Variants in MC2R observed in about 807,000 individuals in gnomAD.
MC2R encodes the protein adrenocorticotropic hormone receptor.
In MC2R, 9 loss-of-function variants were observed where a neutral mutation model predicts 9.8. The ratio of observed to expected loss-of-function variants is 0.92; its 90% confidence interval spans 0.55 to 1.60. The LOEUF (loss-of-function observed/expected upper bound fraction) is 1.60. MC2R is among the 40% of genes most tolerant of loss of function. The pLI is 0.00. For synonymous variants in MC2R, 185 were observed against 154.7 expected (o/e 1.20, Z -1.45); for missense variants, 370 against 389.0 (o/e 0.95, Z 0.41).
rs1341898639 is a variant in MC2R, at chr18:13,884,137, ATCT to A, written c.*485_*487del. The A allele has an allele frequency of 4.6e-6, 1 of 217,332 alleles. No homozygotes were observed. Among genetic ancestry groups the A allele is most frequent in the Non-Finnish European group, 9.3e-6 (1 of 107,820 alleles). 13.5% of individuals were successfully genotyped at this position (217,332 alleles called of 1,614,324 possible). A position where few individuals can be genotyped will look rare whatever the true frequency, so the allele number is the denominator to read the frequency against. On this transcript the variant is annotated 3_prime_UTR_variant, in exon 2 of 2. Transcript: ENST00000327606. Reference sequence around the variant, plus strand: ...TATTATTGGCTTACAGAGACCCTACATCTTCTGCCTGGAGTCGCATGTCCAGGT... The same window carrying A: ...TATTATTGGCTTACAGAGACCCTACATCTGCCTGGAGTCGCATGTCCAGGT...
chr18:13,906,905 C>T (rs1305237770), intron 1 of MC2R, among the ~76,000 whole-genome samples: 2 of 152,154 alleles, frequency 1.3e-5, no homozygotes, highest in African/African-American at 2.4e-5. Context: ...ATATTCTATG[C>T]TCATGGGTTG....
intron 1 of MC2R, among the ~76,000 whole-genome samples, chr18:13,904,714 GC>G (rs901478138): frequency 6.6e-6 from 1 of 151,920 alleles, no homozygotes; most frequent in Non-Finnish European, 1.5e-5. Flanking sequence ...GACCAATGGA[GC>G]AGAACAGAGA....
At chr18:13,899,138 C>G (rs34615701) in intron 1 of MC2R, among the ~76,000 whole-genome samples, 1 of 151,906 alleles carries the variant, frequency 6.6e-6, no homozygotes, top group Admixed American at 6.6e-5. Context: ...ATTCAGAATC[C>G]TATCAGATAA....
chr18:13,902,388 C>A (rs773917367), intron 1 of MC2R, among the ~76,000 whole-genome samples: 5 of 151,992 alleles, frequency 3.3e-5, no homozygotes, highest in African/African-American at 4.8e-5. Context: ...GTCAAAGCTA[C>A]CCTAAGCAAA....
chr18:13,911,946 G>A (rs1053752499), intron 1 of MC2R, among the ~76,000 whole-genome samples: 1 of 152,146 alleles, frequency 6.6e-6, no homozygotes, highest in Non-Finnish European at 1.5e-5. Flanking sequence ...TGAGAAAGAG[G>A]ACAGGTGAGC....
At chr18:13,895,540 A>G (rs979694345) in intron 1 of MC2R, among the ~76,000 whole-genome samples, 1 of 152,172 alleles carries the variant, frequency 6.6e-6, no homozygotes, top group Admixed American at 6.5e-5. Flanking sequence ...ATTCAGCAGG[A>G]AGGGGCAGGC....
intron 1 of MC2R, among the ~76,000 whole-genome samples, chr18:13,893,283 C>A (rs544611833): frequency 6.6e-6 from 1 of 152,138 alleles, no homozygotes; most frequent in African/African-American, 2.4e-5. Flanking sequence ...CGTGGGGTGG[C>A]GAGATGGCTA....
chr18:13,892,805 TACACACACACACACACACACACACACAC>T (rs34352644), intron 1 of MC2R, among the ~76,000 whole-genome samples: 6 of 147,106 alleles, frequency 4.1e-5, no homozygotes, highest in Non-Finnish European at 7.5e-5. Flanking sequence ...CATAATCTGT[TACACACACACACACACACACACACACAC>T]ACACACACAC....
At chr18:13,886,457 T>G in intron 1 of MC2R, among the ~76,000 whole-genome samples, 1 of 152,148 alleles carries the variant, frequency 6.6e-6, no homozygotes, top group Non-Finnish European at 1.5e-5. Flanking sequence ...AAGGTCCATG[T>G]GGGAGCAGGA....
intron 1 of MC2R, among the ~76,000 whole-genome samples, chr18:13,908,691 C>T (rs1053200464): frequency 4.8e-4 from 41 of 84,622 alleles, no homozygotes; most frequent in Non-Finnish European, 6.1e-4. Flanking sequence ...TGCAGTTCAA[C>T]GGTGCAGGAG....
intron 1 of MC2R, among the ~76,000 whole-genome samples, chr18:13,905,095 C>T (rs928953527): frequency 1.3e-5 from 2 of 152,144 alleles, no homozygotes; most frequent in African/African-American, 4.8e-5. Flanking sequence ...TCAGTGTGAA[C>T]AGGCAACCTA....
rs760942130 is a variant in MC2R, at chr18:13,884,863, A to T, written c.656T>A (p.Ile219Asn). The T allele has an allele frequency of 6.2e-7, 1 of 1,614,034 alleles. No homozygotes were observed. The highest frequency in any genetic ancestry group is 8.5e-7 in the Non-Finnish European group (1 of 1,180,014). The part of the protein sequence containing the change: ...TLPRANMKGA[I>N]TLTILLGVFI... ...GACCCCGAGCAGGATGGTCAGTGTG[A>T]TGGCCCCTTTCATGTTGGCTCTGGG... The change falls in exon 2 of 2, where the codon ATC becomes AAC. Residue 219 changes from isoleucine (I) to asparagine (N), a missense_variant. Transcript: ENST00000327606.
intron 1 of MC2R, among the ~76,000 whole-genome samples, chr18:13,887,541 G>A (rs2045284596): frequency 6.6e-6 from 1 of 152,222 alleles, no homozygotes; most frequent in African/African-American, 2.4e-5. Flanking sequence ...CAGGGTGCCA[G>A]GTATGTGGTG....
intron 1 of MC2R, among the ~76,000 whole-genome samples, chr18:13,887,941 G>A (rs1159579295): frequency 6.6e-6 from 1 of 152,132 alleles, no homozygotes; most frequent in Non-Finnish European, 1.5e-5. Flanking sequence ...ATCTCCTGCT[G>A]TTTATTTTCC....
chr18:13,896,437 A>C (rs975982667), intron 1 of MC2R, among the ~76,000 whole-genome samples: 1 of 152,226 alleles, frequency 6.6e-6, no homozygotes, highest in Non-Finnish European at 1.5e-5. Flanking sequence ...AAGAATATAG[A>C]AGTACAATGA....
intron 1 of MC2R, among the ~76,000 whole-genome samples, chr18:13,900,963 A>G (rs1032651306): frequency 7.9e-5 from 12 of 152,290 alleles, no homozygotes; most frequent in East Asian, 3.9e-4. Flanking sequence ...TTCTCAGCAC[A>G]TGGATCATTC....
At chr18:13,905,387 G>T (rs193031681) in intron 1 of MC2R, among the ~76,000 whole-genome samples, 1 of 152,024 alleles carries the variant, frequency 6.6e-6, no homozygotes, top group Non-Finnish European at 1.5e-5. Flanking sequence ...TCAGGTGGCT[G>T]AGGCAGAAGA....
At chr18:13,914,913 C>T (rs540228242) in intron 1 of MC2R, among the ~76,000 whole-genome samples, 2 of 152,180 alleles carry the variant, frequency 1.3e-5, no homozygotes, top group Non-Finnish European at 1.5e-5. Context: ...TCCTGCACCC[C>T]GTGTTGCTGC....
rs1011315544 is a variant in MC2R, at chr18:13,882,653, T to C, written c.*1972A>G. On this transcript the variant is annotated 3_prime_UTR_variant, in exon 2 of 2. Transcript: ENST00000327606. ...GTTTGGGACTATTTATGATACAGGT[T>C]AAGTGGCATTGCTTACCTCTGTGGT... 1.3e-5 allele frequency: 2 copies of C among 152,182 alleles called. No individual in the cohort carries two copies. The highest frequency in any genetic ancestry group is 4.8e-5 in the African/African-American group (2 of 41,442). 9.4% of individuals were successfully genotyped at this position (152,182 alleles called of 1,614,324 possible).
Sources: allele counts gnomAD v4.1 joint callset (sites outside exome capture counted in the v4.1 genomes callset), GRCh38; gene constraint gnomAD v4.1.1; transcripts MANE v1.5; gene names NCBI Gene and HGNC (gene_info 2026-07-23, HGNC 2026-07-21).